Variants in COX4I2 observed in about 807,000 individuals in gnomAD.
COX4I2 encodes cytochrome c oxidase subunit 4I2.
In COX4I2, 15 loss-of-function variants were observed where a neutral mutation model predicts 20.8. The ratio of observed to expected loss-of-function variants is 0.72; its 90% CI spans 0.48 to 1.11. The LOEUF (loss-of-function observed/expected upper bound fraction) is 1.11, where lower values mean the gene tolerates loss of function less well. Ranked by LOEUF, COX4I2 falls within the 50% of genes most tolerant of loss-of-function variation. The pLI is 0.00. For missense variants in COX4I2, 224 were observed against 223.0 expected (o/e 1.00, Z -0.03); for synonymous variants, 80 against 78.1 (o/e 1.02, Z -0.13).
chr20:31,639,843 A>G (rs958606357), intron 2 of COX4I2, 90 bp from the exon 3 acceptor site: 4 of 1,485,870 alleles, frequency 2.7e-6, no homozygotes, highest in Non-Finnish European at 1.9e-6. Context: ...GGCATGAGCC[A>G]CCAAGCCCGG....
Position 31,643,436 on chromosome 20 carries a change from G to A in COX4I2, c.280G>A (p.Glu94Lys). The A allele has an allele frequency of 6.2e-7, 1 of 1,614,204 alleles. No individual in the cohort carries two copies. Among genetic ancestry groups the A allele is most frequent in the African/African-American group, 1.3e-5 (1 of 75,060 alleles). Residue 94 changes from glutamate (E) to lysine (K), a missense_variant, in exon 4 of 5, where the codon GAG becomes AAG. Physicochemically the swap from Glu to Lys is moderately conservative, Grantham distance 56. Coordinates refer to ENST00000376075, the MANE Select transcript of COX4I2 (RefSeq NM_032609.3). Reference sequence around the variant, plus strand: ...GCTCCAGTTCAATGAGACCTTTGCGGAGATGAACCGTCGCTCCAATGAGTG... The same window carrying A: ...GCTCCAGTTCAATGAGACCTTTGCGAAGATGAACCGTCGCTCCAATGAGTG... Reference protein sequence around the residue: ...YRLQFNETFAEMNRRSNEWKT... With the variant: ...YRLQFNETFAKMNRRSNEWKT...
intron 1 of COX4I2, 41 bp from the exon 2 acceptor site, chr20:31,638,977 T>C: frequency 6.4e-7 from 1 of 1,569,588 alleles, no homozygotes; most frequent in Non-Finnish European, 8.7e-7. Flanking sequence ...GGGCAGAGGG[T>C]GATGTGGGGG....
At position 31,639,014 on chromosome 20, in the gene COX4I2, C is replaced by T; in HGVS notation, c.1-4C>T. ...AGAACTCATCTATACCTTCACGCCC[C>T]CAGATGCTCCCCAGAGCTGCCTGGA... On this transcript the variant is annotated splice_region_variant and splice_polypyrimidine_tract_variant and intron_variant, in intron 1 of 4. Coordinates refer to ENST00000376075, the MANE Select transcript of COX4I2 (RefSeq NM_032609.3). 2 of 1,609,042 alleles carry T rather than the reference C, an allele frequency of 1.2e-6. No homozygotes were observed. The highest frequency in any genetic ancestry group is 1.7e-4 in the Middle Eastern group (1 of 6,036).
At chr20:31,640,213 A>G in intron 3 of COX4I2, 116 bp downstream of exon 3, 1 of 1,099,454 alleles carries the variant, frequency 9.1e-7, no homozygotes, top group Non-Finnish European at 1.3e-6. Context: ...AGAAACCTCC[A>G]AACACCTGAG....
rs575560908 is a variant in COX4I2, at chr20:31,640,005, C to A, written c.155C>A (p.Pro52His). ...CGCTACTACCCCATGCCAGAAGAGC[C>A]CTTCTGCACAGAACTCAACGCTGAG... ...AQRYYPMPEE[P>H]FCTELNAEEQ... The change falls in exon 3 of 5, where the codon CCC becomes CAC. Residue 52 changes from proline to histidine, a missense_variant. Pro to His is a moderately conservative substitution (Grantham distance 77). Transcript: ENST00000376075. The A allele has an allele frequency of 6.2e-7, 1 of 1,614,032 alleles. No homozygotes were observed. Among genetic ancestry groups the A allele is most frequent in the African/African-American group, 1.3e-5 (1 of 75,048 alleles).
intron 3 of COX4I2, among the ~76,000 whole-genome samples, chr20:31,640,994 C>CACAT (rs1491240601): frequency 2.1e-5 from 3 of 145,480 alleles, no homozygotes; most frequent in Non-Finnish European, 3.0e-5. Flanking sequence ...CACACACACA[C>CACAT]ATCTTGGTTT....
chr20:31,642,665 C>T (rs1197802982), intron 3 of COX4I2, among the ~76,000 whole-genome samples: 4 of 151,926 alleles, frequency 2.6e-5, no homozygotes, highest in African/African-American at 9.7e-5. Flanking sequence ...GTCTCGATCT[C>T]CTGACCTCGT....
At position 31,642,431 on chromosome 20, in the gene COX4I2, ATTTTTTTT is replaced by A. The variant is rs57483570; in HGVS notation, c.248-954_248-947del. Among the ~76,000 whole-genome samples the A allele has an allele frequency of 2.0e-4, 18 of 88,858 alleles. No homozygotes were observed. The South Asian group carries it at 5.5e-3, about 27-fold the overall frequency. The allele number at this position is 88,858 out of a possible 152,430, so 58.3% of individuals were successfully genotyped here. A position where few individuals can be genotyped will look rare whatever the true frequency, so the allele number is the denominator to read the frequency against. On this transcript the variant is annotated intron_variant, in intron 3 of 4. Coordinates refer to ENST00000376075, the MANE Select transcript of COX4I2 (RefSeq NM_032609.3). ...GAGAAAGGATTACACACGTAGGGTA[ATTTTTTTT>A]TTTTTTTTTTTTTTTTTTGAGACAG...
intron 4 of COX4I2, 51 bp downstream of exon 4, chr20:31,643,586 T>C: frequency 1.9e-6 from 3 of 1,608,838 alleles, no homozygotes; most frequent in Non-Finnish European, 2.6e-6. Context: ...GCCCTTGTGG[T>C]CACGGCCACC....
intron 3 of COX4I2, among the ~76,000 whole-genome samples, chr20:31,641,376 AAAAAG>A (rs1445117309): frequency 6.6e-6 from 1 of 151,844 alleles, no homozygotes; most frequent in Admixed American, 6.6e-5. Context: ...AAAAAAAAAA[AAAAAG>A]AGAGAGAGAG....
At chr20:31,641,363 G>GAAA (rs570887265) in intron 3 of COX4I2, among the ~76,000 whole-genome samples, 3 of 96,552 alleles carry the variant, frequency 3.1e-5, no homozygotes, top group Non-Finnish European at 6.6e-5. Context: ...GACCCTGTCT[G>GAAA]AAAAAAAAAA....
At chr20:31,640,426 CTG>C (rs2060461453) in intron 3 of COX4I2, among the ~76,000 whole-genome samples, 1 of 152,124 alleles carries the variant, frequency 6.6e-6, no homozygotes, top group Non-Finnish European at 1.5e-5. Flanking sequence ...TGTTCAAGGA[CTG>C]TGAGATGAAA....
intron 3 of COX4I2, among the ~76,000 whole-genome samples, chr20:31,641,396 A>T (rs2060467524): frequency 6.6e-6 from 1 of 151,652 alleles, no homozygotes; most frequent in Admixed American, 6.6e-5. Flanking sequence ...AGAGAGAAAG[A>T]AATGATGGAC....
chr20:31,638,232 G>A (rs1298141332), intron 1 of COX4I2, among the ~76,000 whole-genome samples: 2 of 151,960 alleles, frequency 1.3e-5, no homozygotes, highest in Admixed American at 1.3e-4. Flanking sequence ...CTCTTTTCCA[G>A]AAGTGTGGGC....
intron 3 of COX4I2, 26 bp from the exon 4 acceptor site, chr20:31,643,378 C>G (rs369068004): frequency 8.1e-6 from 13 of 1,613,560 alleles, no homozygotes; most frequent in Non-Finnish European, 1.1e-5. Context: ...ACCTGAGGCC[C>G]CTTCCCCACA....
In COX4I2 at chr20:31,640,013, A is replaced by G. The variant is rs1179829208; in HGVS notation, c.163A>G (p.Thr55Ala). The G allele has an allele frequency of 6.2e-7, 1 of 1,613,888 alleles. No individual in the cohort carries two copies. Residue 55 changes from threonine (T) to alanine (A), a missense_variant, in exon 3 of 5, where the codon ACA becomes GCA. Physicochemically the swap from Thr to Ala is moderately conservative, Grantham distance 58. Transcript: ENST00000376075. ...YYPMPEEPFCTELNAEEQALK... is the reference protein window; with the variant it reads ...YYPMPEEPFCAELNAEEQALK... ...CCCCATGCCAGAAGAGCCCTTCTGC[A>G]CAGAACTCAACGCTGAGGAGCAGGC... is the stretch of plus-strand genomic sequence containing the variant.
chr20:31,638,349 G>A (rs2060447806), intron 1 of COX4I2, among the ~76,000 whole-genome samples: 1 of 151,116 alleles, frequency 6.6e-6, no homozygotes, highest in Admixed American at 6.6e-5. Flanking sequence ...CCCCAGATGT[G>A]TGTCTCCCTC....
intron 1 of COX4I2, among the ~76,000 whole-genome samples, chr20:31,638,777 A>C (rs1387313590): frequency 6.6e-6 from 1 of 152,016 alleles, no homozygotes; most frequent in African/African-American, 2.4e-5. Context: ...GCCTCCTCCC[A>C]CTTCTCAGAT....
chr20:31,642,322 A>G (rs1457808688), intron 3 of COX4I2, among the ~76,000 whole-genome samples: 2 of 152,008 alleles, frequency 1.3e-5, no homozygotes, highest in Admixed American at 1.3e-4. Context: ...CCCAAAACCT[A>G]AGACAGTTCC....
Sources: allele counts gnomAD v4.1 joint callset (sites outside exome capture counted in the v4.1 genomes callset), GRCh38; gene constraint gnomAD v4.1.1; transcripts MANE v1.5; gene names NCBI Gene and HGNC (gene_info 2026-07-23, HGNC 2026-07-21).